FSTL4: variants seen among roughly 807,000 people sequenced by gnomAD.
FSTL4 encodes follistatin like 4, also known as follistatin-related protein 4.
A neutral mutation model predicts 78.2 loss-of-function variants in FSTL4; 28 were observed. That is an observed-to-expected ratio of 0.36 (90% CI 0.27 to 0.49). FSTL4 has a LOEUF of 0.49. FSTL4 is among the 20% of genes least tolerant of loss of function. The pLI is 0.98. For synonymous variants in FSTL4, 422 were observed against 440.5 expected (o/e 0.96, Z 0.53); for missense variants, 922 against 1,084.9 (o/e 0.85, Z 2.11).
chr5:133,437,453 T>C (rs1402110564), intron 3 of FSTL4, among the ~76,000 whole-genome samples: 1 of 151,096 alleles, frequency 6.6e-6, no homozygotes, highest in East Asian at 1.9e-4. Context: ...CAACATTTAA[T>C]GCAAACTGTA....
At position 133,546,321 on chromosome 5, in the gene FSTL4, C is replaced by T. The variant is rs193299738; in HGVS notation, c.160+20865G>A. ...CAGGAGTTCGAGACCAGCCTGGCCA[C>T]ACGGTGAAACCCCGTCTCTACTAAA... On this transcript the variant is annotated intron_variant, in intron 3 of 15. Coordinates refer to ENST00000265342, the MANE Select transcript of FSTL4 (RefSeq NM_015082.2). 8.9e-3 allele frequency among the ~76,000 whole-genome samples: 1,357 copies of T among 152,002 alleles called. 12 individuals carry two copies. The highest frequency in any genetic ancestry group is 0.016 in the South Asian group (75 of 4,800).
At chr5:133,275,496 G>T (rs1266932416) in intron 6 of FSTL4, among the ~76,000 whole-genome samples, 2 of 151,816 alleles carry the variant, frequency 1.3e-5, no homozygotes, top group Non-Finnish European at 2.9e-5. Context: ...GAAGGCGGTG[G>T]TTCCAGGGTG....
intron 6 of FSTL4, among the ~76,000 whole-genome samples, chr5:133,299,202 C>G (rs1241920263): frequency 6.6e-6 from 1 of 152,106 alleles, no homozygotes; most frequent in Non-Finnish European, 1.5e-5. Flanking sequence ...TAGGCTTGGG[C>G]TGAGTCCGGC....
At chr5:133,382,286 T>A in intron 4 of FSTL4, among the ~76,000 whole-genome samples, 1 of 152,208 alleles carries the variant, frequency 6.6e-6, no homozygotes, top group Admixed American at 6.5e-5. Context: ...TGCGGACCCA[T>A]GCTGGATGTA....
intron 7 of FSTL4, 136 bp from the exon 8 acceptor site, chr5:133,233,673 T>C: frequency 1.8e-6 from 2 of 1,085,168 alleles, no homozygotes; most frequent in Non-Finnish European, 1.3e-6. Context: ...CAGCCAGAGC[T>C]GTCTGCAGGG....
chr5:133,833,810 T>C, the FSTL4 span, among the ~76,000 whole-genome samples: 2 of 152,224 alleles, frequency 1.3e-5, no homozygotes, highest in African/African-American at 4.8e-5. Context: ...ATAATATTTA[T>C]AAGCTCTTTT....
the FSTL4 span, among the ~76,000 whole-genome samples, chr5:133,617,544 G>A: frequency 3.3e-5 from 5 of 152,286 alleles, no homozygotes; most frequent in Admixed American, 1.3e-4. Flanking sequence ...TGGTCTCTAC[G>A]GAGATGCAGT....
chr5:133,400,673 G>A (rs1052173389), intron 4 of FSTL4, 65 bp downstream of exon 4: 1 of 1,466,850 alleles, frequency 6.8e-7, no homozygotes. Flanking sequence ...CAGGTCACTT[G>A]TCAAAAAGGC....
chr5:133,577,462 T>C (rs1013461163), intron 2 of FSTL4, among the ~76,000 whole-genome samples: 2 of 151,888 alleles, frequency 1.3e-5, no homozygotes, highest in Admixed American at 1.3e-4. Context: ...TAAAGAACAG[T>C]CAAAGGTGGG....
At chr5:133,660,135 T>C in the FSTL4 span, among the ~76,000 whole-genome samples, 1 of 152,238 alleles carries the variant, frequency 6.6e-6, no homozygotes, top group Non-Finnish European at 1.5e-5. Context: ...TTTCTTCTTT[T>C]GGTTGGGAAA....
At chr5:133,834,398 TA>T in the FSTL4 span, among the ~76,000 whole-genome samples, 2 of 151,424 alleles carry the variant, frequency 1.3e-5, no homozygotes, top group African/African-American at 4.9e-5. Context: ...TTAGAAACAG[TA>T]AATGACTAAA....
chr5:133,697,024 C>T, the FSTL4 span, among the ~76,000 whole-genome samples: 1 of 152,338 alleles, frequency 6.6e-6, no homozygotes, highest in South Asian at 2.1e-4. Context: ...GTGCCCGAAA[C>T]ACAGGGCGAT....
chr5:133,498,123 G>A (rs1013218618), intron 3 of FSTL4, among the ~76,000 whole-genome samples: 2 of 152,172 alleles, frequency 1.3e-5, no homozygotes, highest in Non-Finnish European at 2.9e-5. Context: ...GGAGCAGTGG[G>A]TGTACTGTGC....
rs921974494 is a variant in FSTL4 at position 133,612,468 on chromosome 5, GCTGTTGAGGCTC to G, written c.-166_-155del. On this transcript the variant is annotated 5_prime_UTR_variant, in exon 1 of 16. Coordinates refer to ENST00000265342, the MANE Select transcript of FSTL4 (RefSeq NM_015082.2). This position sits in a 1 kb window ranked among gnomAD's most constrained non-coding sequence, Gnocchi z 6.2. ...TCGGCGGGTCCCGGGCTCGCTGGAG[GCTGTTGAGGCTC>G]CAGCTCCCTGAGCCGCCGCTGCCCG... 88 of 152,024 alleles carry G rather than the reference GCTGTTGAGGCTC, an allele frequency of 5.8e-4. No homozygotes were observed. Among genetic ancestry groups the G allele is most frequent in the African/African-American group, 2.0e-3 (85 of 41,530 alleles). The allele number at this position is 152,024 out of a possible 1,614,324, so 9.4% of individuals were successfully genotyped here. A position where few individuals can be genotyped will look rare whatever the true frequency, so the allele number is the denominator to read the frequency against.
chr5:133,666,222 A>G, the FSTL4 span, among the ~76,000 whole-genome samples: 1 of 152,192 alleles, frequency 6.6e-6, no homozygotes, highest in African/African-American at 2.4e-5. Context: ...TTCAATGTAA[A>G]GAATCATTTC....
chr5:133,582,050 A>C (rs17642788), intron 2 of FSTL4, among the ~76,000 whole-genome samples: 34,477 of 152,180 alleles, frequency 0.23, 4,161 homozygotes, highest in East Asian at 0.29. Context: ...ACAGAAACTA[A>C]TGTAAACAGT....
intron 3 of FSTL4, among the ~76,000 whole-genome samples, chr5:133,417,958 TAAAAAAAAAAAAAA>T (rs527415337): frequency 4.3e-4 from 22 of 51,146 alleles, no homozygotes; most frequent in African/African-American, 2.0e-3. Context: ...GACTCCATCT[TAAAAAAAAAAAAAA>T]AAAAAAAAAA....
intron 6 of FSTL4, among the ~76,000 whole-genome samples, chr5:133,269,015 A>G (rs1310660171): frequency 1.3e-5 from 2 of 151,978 alleles, no homozygotes; most frequent in African/African-American, 4.8e-5. Flanking sequence ...CCCCATCTCT[A>G]CTAAAAATAC....
the FSTL4 span, among the ~76,000 whole-genome samples, chr5:133,690,274 G>A: frequency 3.3e-5 from 5 of 151,988 alleles, no homozygotes; most frequent in Non-Finnish European, 5.9e-5. Context: ...CTCCAAAAGG[G>A]CTATCTGCCT....
Sources: allele counts gnomAD v4.1 joint callset (sites outside exome capture counted in the v4.1 genomes callset), GRCh38; gene constraint gnomAD v4.1.1; non-coding constraint Gnocchi (gnomAD v3.1); transcripts MANE v1.5; gene names NCBI Gene and HGNC (gene_info 2026-07-23, HGNC 2026-07-21).